The following WNT7B variants were observed in gnomAD, a reference collection of about 807,000 sequenced individuals.
WNT7B encodes the protein Wnt family member 7B.
Under a neutral mutation model 38.2 loss-of-function variants are expected in WNT7B, and 19 were observed. The ratio of observed to expected loss-of-function variants is 0.50; its 90% CI spans 0.35 to 0.73. The LOEUF (loss-of-function observed/expected upper bound fraction) is 0.73, where lower values mean the gene tolerates loss of function less well. Among genes scored for constraint, WNT7B ranks in the 30% least tolerant of loss-of-function variants. The pLI, the probability that WNT7B is intolerant of heterozygous loss-of-function variation, is 0.01. For synonymous variants in WNT7B, 243 were observed against 209.3 expected, an observed-to-expected ratio of 1.16 and a Z score of -1.39; for missense variants, 423 against 507.9, an observed-to-expected ratio of 0.83 and a Z score of 1.61.
At chr22:45,937,980 G>A (rs1931552916) in intron 2 of WNT7B, among the ~76,000 whole-genome samples, 1 of 152,040 alleles carries the variant, frequency 6.6e-6, no homozygotes, top group Non-Finnish European at 1.5e-5. Context: ...TTGCACTCCA[G>A]CCTGGGCAAT....
intron 1 of WNT7B, among the ~76,000 whole-genome samples, chr22:45,955,336 G>C (rs1932033721): frequency 6.6e-6 from 1 of 152,268 alleles, no homozygotes; most frequent in South Asian, 2.1e-4. Context: ...GGCATGGGAA[G>C]TGGGGGAAAA....
intron 2 of WNT7B, among the ~76,000 whole-genome samples, chr22:45,944,902 T>C (rs1258933757): frequency 6.6e-6 from 1 of 152,178 alleles, no homozygotes; most frequent in Non-Finnish European, 1.5e-5. Context: ...GACAGTGTCC[T>C]GGGAGTGACA....
chr22:45,929,713 C>T (rs75745590), intron 3 of WNT7B, among the ~76,000 whole-genome samples: 1,629 of 149,726 alleles, frequency 0.011, 27 homozygotes, highest in African/African-American at 0.034. Flanking sequence ...TCCATCCACC[C>T]GTGAATCCAC....
intron 1 of WNT7B, among the ~76,000 whole-genome samples, chr22:45,954,437 TA>T (rs1233969758): frequency 6.6e-6 from 1 of 152,200 alleles, no homozygotes; most frequent in Admixed American, 6.5e-5. Context: ...ACCACGATTT[TA>T]AAAAACTCTA....
chr22:45,945,625 G>A (rs558485378), intron 2 of WNT7B, among the ~76,000 whole-genome samples: 5 of 152,318 alleles, frequency 3.3e-5, no homozygotes, highest in East Asian at 1.9e-4. Flanking sequence ...TCCAGCCCTC[G>A]AGACCTCGTC....
chr22:45,946,857 G>C (rs1363879261), intron 2 of WNT7B, among the ~76,000 whole-genome samples: 1 of 152,248 alleles, frequency 6.6e-6, no homozygotes, highest in Non-Finnish European at 1.5e-5. Flanking sequence ...CCCTTTTAAG[G>C]GGTACCCTTT....
At chr22:45,941,579 G>GT (rs1931649674) in intron 2 of WNT7B, among the ~76,000 whole-genome samples, 1 of 152,194 alleles carries the variant, frequency 6.6e-6, no homozygotes, top group Non-Finnish European at 1.5e-5. Flanking sequence ...AGGGCAGCTG[G>GT]TGGGGGGCTG....
At chr22:45,933,720 A>G (rs1443260545) in intron 2 of WNT7B, among the ~76,000 whole-genome samples, 2 of 152,172 alleles carry the variant, frequency 1.3e-5, no homozygotes, top group Admixed American at 6.5e-5. Context: ...AGTGGGTACA[A>G]TCTTAACAAG....
chr22:45,958,686 AC>A (rs1932127268), intron 1 of WNT7B, among the ~76,000 whole-genome samples: 1 of 152,172 alleles, frequency 6.6e-6, no homozygotes, highest in Non-Finnish European at 1.5e-5. Context: ...GGGAGCGAGC[AC>A]GGCTGGAACC....
At position 45,928,497 on chromosome 22, in the gene WNT7B, C is replaced by T. The variant is rs773768323; in HGVS notation, c.570+2601G>A. Among the ~76,000 whole-genome samples the T allele has an allele frequency of 2.4e-3, 361 of 150,640 alleles. 2 individuals carry two copies. The highest frequency in any genetic ancestry group is 8.4e-3 in the African/African-American group (336 of 39,998). ...CAGCAGCGTGGGTCAGCCAGGGCCC[C>T]ACCGGCCATCCGAGACAAGGCTGGT... On this transcript the variant is annotated intron_variant, in intron 3 of 3. Transcript: ENST00000339464.
intron 2 of WNT7B, among the ~76,000 whole-genome samples, chr22:45,949,593 A>AACCACTGCACGGCACCGCTAGC (rs1931880861): frequency 6.6e-6 from 1 of 152,192 alleles, no homozygotes; most frequent in Non-Finnish European, 1.5e-5. Flanking sequence ...AATGGGCCCC[A>AACCACTGCACGGCACCGCTAGC]ACCACTGCAC....
intron 3 of WNT7B, chr22:45,925,889 G>A (rs1016768689): frequency 2.0e-6 from 2 of 985,286 alleles, no homozygotes; most frequent in Admixed American, 1.2e-4. Context: ...AGGCCACGTG[G>A]TCTAGGCCCA....
intron 3 of WNT7B, among the ~76,000 whole-genome samples, chr22:45,929,517 C>T (rs1018709972): frequency 6.2e-4 from 86 of 139,590 alleles, no homozygotes; most frequent in African/African-American, 1.9e-3. Context: ...CCAATACTTC[C>T]GTCCATCTTT....
chr22:45,931,540 C>T (rs1056615920), intron 2 of WNT7B, among the ~76,000 whole-genome samples, 171 bp from the exon 3 acceptor site: 1 of 152,160 alleles, frequency 6.6e-6, no homozygotes, highest in African/African-American at 2.4e-5. Context: ...TGATGGGAGC[C>T]ATCTCTCAGG....
At chr22:45,927,302 C>T (rs1931115676) in intron 3 of WNT7B, 2 of 985,238 alleles carry the variant, frequency 2.0e-6, no homozygotes, top group Admixed American at 6.1e-5. Flanking sequence ...GTCACCCCCG[C>T]CCCCCAGGGA....
At chr22:45,926,209 C>T in intron 3 of WNT7B, 1 of 985,436 alleles carries the variant, frequency 1.0e-6, no homozygotes, top group African/African-American at 1.7e-5. Context: ...CCGTTTCCTT[C>T]TCCAGTGCCC....
intron 2 of WNT7B, among the ~76,000 whole-genome samples, chr22:45,935,310 GC>G (rs2146718095): frequency 6.6e-6 from 1 of 152,314 alleles, no homozygotes; most frequent in East Asian, 1.9e-4. Flanking sequence ...CCTTGGCCTG[GC>G]CCCCAAGGCC....
intron 3 of WNT7B, 39 bp downstream of exon 3, chr22:45,931,059 T>C (rs762261258): frequency 1.3e-6 from 2 of 1,527,520 alleles, no homozygotes; most frequent in South Asian, 2.5e-5. Flanking sequence ...GATACAGCGG[T>C]CCCAGCTACG....
chr22:45,945,797 G>C lies in WNT7B; in HGVS notation c.298+4123C>G, dbSNP rs73888719. Among the ~76,000 whole-genome samples the C allele has an allele frequency of 7.7e-3, 1,167 of 152,338 alleles. 18 individuals are homozygous for C. The highest frequency in any genetic ancestry group is 0.026 in the African/African-American group (1,085 of 41,580). On this transcript the variant is annotated intron_variant, in intron 2 of 3. Coordinates refer to ENST00000339464, the MANE Select transcript of WNT7B (RefSeq NM_058238.3). ...TCCAGCAGCCAACAGCCCTTGCTGA[G>C]CCCCTGCTGTGTGCAGCCCAGGAAG...
Sources: allele counts gnomAD v4.1 joint callset (sites outside exome capture counted in the v4.1 genomes callset), GRCh38; gene constraint gnomAD v4.1.1; transcripts MANE v1.5; gene names NCBI Gene and HGNC (gene_info 2026-07-23, HGNC 2026-07-21).